Variants in CHD2 observed in about 807,000 individuals in gnomAD.
The protein encoded by CHD2 is chromodomain helicase DNA binding protein 2.
A neutral mutation model predicts 243.9 loss-of-function variants in CHD2; 28 were observed. That is an observed-to-expected ratio of 0.11 (90% CI 0.09 to 0.16). The LOEUF is 0.16. Ranked by LOEUF, CHD2 falls within the 10% of genes least tolerant of loss-of-function variation. The pLI, the probability that CHD2 is intolerant of heterozygous loss-of-function variation, is 1.00. For missense variants in CHD2, 1,386 were observed against 2,209.8 expected (o/e 0.63, Z 7.47); for synonymous variants, 775 against 779.0 (o/e 0.99, Z 0.09).
intron 21 of CHD2, 37 bp downstream of exon 21, chr15:92,978,420 T>TG (rs2053936316): frequency 6.3e-6 from 10 of 1,594,536 alleles, no homozygotes; most frequent in Non-Finnish European, 8.6e-6. Flanking sequence ...TGCTTTAGGG[T>TG]TGGGGGCCAG....
At chr15:92,913,814 G>A (rs994236924) in intron 2 of CHD2, among the ~76,000 whole-genome samples, 5 of 152,038 alleles carry the variant, frequency 3.3e-5, no homozygotes, top group Non-Finnish European at 7.4e-5. Flanking sequence ...ATCACATTAC[G>A]TGCACTCCAT....
chr15:92,931,243 A>C (rs1168651283), intron 5 of CHD2, among the ~76,000 whole-genome samples: 1 of 152,260 alleles, frequency 6.6e-6, no homozygotes, highest in African/African-American at 2.4e-5. Flanking sequence ...GTTTTTAAAA[A>C]GGGACCATTT....
chr15:92,978,409 T>C, intron 21 of CHD2, 26 bp downstream of exon 21: 1 of 1,608,854 alleles, frequency 6.2e-7, no homozygotes, highest in Non-Finnish European at 8.5e-7. Flanking sequence ...CTTCTGGAAA[T>C]TGCTTTAGGG....
intron 5 of CHD2, 36 bp from the exon 6 acceptor site, chr15:92,937,482 T>C: frequency 6.8e-7 from 1 of 1,476,140 alleles, no homozygotes; most frequent in Non-Finnish European, 9.2e-7. Context: ...AGGATTCTTT[T>C]AGAAAAAAAT....
intron 5 of CHD2, among the ~76,000 whole-genome samples, chr15:92,936,744 A>G (rs1350577227): frequency 6.6e-6 from 1 of 152,136 alleles, no homozygotes; most frequent in Non-Finnish European, 1.5e-5. Flanking sequence ...GTTTCTACCC[A>G]GTATCAGCAT....
chr15:92,963,782 TG>T (rs1167661094), intron 16 of CHD2, among the ~76,000 whole-genome samples: 1 of 152,244 alleles, frequency 6.6e-6, no homozygotes, highest in Non-Finnish European at 1.5e-5. Context: ...CAGTGTCCTT[TG>T]AACTTCAAGT....
chr15:92,901,236 A>G lies in CHD2; in HGVS notation c.-2A>G. The G allele has an allele frequency of 1.9e-6, 3 of 1,577,556 alleles. No individual in the cohort carries two copies. Among genetic ancestry groups the G allele is most frequent in the Non-Finnish European group, 2.6e-6 (3 of 1,147,950 alleles). On this transcript the variant is annotated 5_prime_UTR_variant, in exon 2 of 39. Coordinates refer to ENST00000394196, the MANE Select transcript of CHD2 (RefSeq NM_001271.4). ...TCCCCCTTAATATTTAAGAATTAAA[A>G]GATGATGAGAAATAAGGACAAAAGC...
chr15:92,988,193 C>G (rs1397634225), intron 26 of CHD2, among the ~76,000 whole-genome samples: 1 of 152,036 alleles, frequency 6.6e-6, no homozygotes, highest in Non-Finnish European at 1.5e-5. Context: ...AGTGACTGTC[C>G]TGCCTTAGCC....
chr15:92,902,130 A>C (rs2052537318), intron 2 of CHD2: 1 of 397,718 alleles, frequency 2.5e-6, no homozygotes, highest in African/African-American at 2.1e-5. Context: ...TTATCCTCAC[A>C]ATTTAGATGT....
chr15:92,961,017 C>T (rs1205971516), intron 16 of CHD2, among the ~76,000 whole-genome samples: 1 of 152,050 alleles, frequency 6.6e-6, no homozygotes, highest in Non-Finnish European at 1.5e-5. Flanking sequence ...AGCCACTGTG[C>T]CTGGCCGCAT....
At chr15:93,011,184 A>C (rs1372089827) in intron 35 of CHD2, among the ~76,000 whole-genome samples, 1 of 152,138 alleles carries the variant, frequency 6.6e-6, no homozygotes, top group African/African-American at 2.4e-5. Flanking sequence ...CTTGGCTAGC[A>C]GTAGTTTATA....
chr15:92,991,410 G>A, intron 26 of CHD2, 66 bp from the exon 27 acceptor site: 1 of 1,217,290 alleles, frequency 8.2e-7, no homozygotes, highest in Admixed American at 1.9e-5. Context: ...CACAGGATAT[G>A]CTAGCATCAA....
At chr15:92,935,097 C>G (rs1428755019) in intron 5 of CHD2, among the ~76,000 whole-genome samples, 3 of 150,824 alleles carry the variant, frequency 2.0e-5, no homozygotes, top group Non-Finnish European at 4.4e-5. Flanking sequence ...GTGCAGTGGC[C>G]CGATCTCGGC....
chr15:92,967,227 G>A (rs369781174), intron 16 of CHD2, 98 bp from the exon 17 acceptor site: 1 of 842,700 alleles, frequency 1.2e-6, no homozygotes, highest in South Asian at 2.0e-5. Flanking sequence ...GATTGATAAT[G>A]TCTTTCCTTA....
At chr15:92,911,252 T>C (rs981685776) in intron 2 of CHD2, among the ~76,000 whole-genome samples, 1 of 152,196 alleles carries the variant, frequency 6.6e-6, no homozygotes, top group Non-Finnish European at 1.5e-5. Context: ...CTAGAACTTG[T>C]TCTGATTGCT....
chr15:92,949,578 C>T (rs2053524493), intron 13 of CHD2, among the ~76,000 whole-genome samples: 1 of 152,070 alleles, frequency 6.6e-6, no homozygotes, highest in South Asian at 2.1e-4. Flanking sequence ...GAAGGTTGAA[C>T]CTGTGAAAGT....
intron 6 of CHD2, 59 bp from the exon 7 acceptor site, chr15:92,939,519 A>G: frequency 7.7e-6 from 12 of 1,560,122 alleles, no homozygotes; most frequent in Non-Finnish European, 1.0e-5. Context: ...ACTGTTATAT[A>G]AAGTAGACAC....
At chr15:93,000,783 T>A in intron 32 of CHD2, 143 bp downstream of exon 32, 1 of 903,762 alleles carries the variant, frequency 1.1e-6, no homozygotes, top group Non-Finnish European at 1.6e-6. Context: ...GCTTAATCTG[T>A]CAGCGAGGAT....
chr15:92,998,649 TC>T lies in CHD2; in HGVS notation c.4008+29del. On this transcript the variant is annotated intron_variant, in intron 31 of 38. Coordinates refer to ENST00000394196, the MANE Select transcript of CHD2 (RefSeq NM_001271.4). This position sits in a 1 kb window ranked among gnomAD's most constrained non-coding sequence, Gnocchi z 5.1. ...GAGTACGCTGCCAGCTGGTTGTTTTTCAGGGGCCTGAGGCTCCTACCCTGCA... is the reference window on the plus strand; with the variant it reads ...GAGTACGCTGCCAGCTGGTTGTTTTTAGGGGCCTGAGGCTCCTACCCTGCA... 6.2e-7 allele frequency: 1 copy of T among 1,607,380 alleles called. No individual in the cohort carries two copies. The highest frequency in any genetic ancestry group is 8.5e-7 in the Non-Finnish European group (1 of 1,176,208).
Sources: allele counts gnomAD v4.1 joint callset (sites outside exome capture counted in the v4.1 genomes callset), GRCh38; gene constraint gnomAD v4.1.1; non-coding constraint Gnocchi (gnomAD v3.1); transcripts MANE v1.5; gene names NCBI Gene and HGNC (gene_info 2026-07-23, HGNC 2026-07-21).